Variants in PCDHA2 observed in about 807,000 individuals in gnomAD.
PCDHA2 encodes the protein protocadherin alpha-2.
A neutral mutation model predicts 66.0 loss-of-function variants in PCDHA2; 58 were observed. The ratio of observed to expected loss-of-function variants is 0.88; its 90% CI spans 0.71 to 1.09. The LOEUF is 1.09. PCDHA2 is among the 50% of genes least tolerant of loss of function. PCDHA2 has a pLI of 0.00. For missense variants in PCDHA2, 1,267 were observed against 1,242.3 expected, an observed-to-expected ratio of 1.02 and a Z score of -0.30; for synonymous variants, 634 against 554.0, an observed-to-expected ratio of 1.14 and a Z score of -2.03.
chr5:140,860,827 T>G (rs1554153817), intron 1 of PCDHA2: 6 of 152,210 alleles, frequency 3.9e-5, no homozygotes, highest in Admixed American at 2.6e-4. Context: ...AAGCTCCGCC[T>G]CCCAGGTTCA....
At chr5:140,865,089 T>C (rs1462427966) in intron 1 of PCDHA2, 2 of 152,250 alleles carry the variant, frequency 1.3e-5, no homozygotes, top group Admixed American at 1.3e-4. Context: ...GGGATATTAA[T>C]AAAGGCACTT....
intron 1 of PCDHA2, chr5:140,881,349 A>G: frequency 2.0e-6 from 2 of 985,302 alleles, no homozygotes; most frequent in Non-Finnish European, 2.4e-6. Flanking sequence ...TCGGGCTACA[A>G]TGCGTGGCTT....
intron 1 of PCDHA2, chr5:140,927,139 C>T: frequency 6.2e-7 from 1 of 1,614,046 alleles, no homozygotes; most frequent in Non-Finnish European, 8.5e-7. Context: ...GCCGGCGGAC[C>T]GCGAACAGCT....
intron 1 of PCDHA2, among the ~76,000 whole-genome samples, chr5:140,978,584 C>G (rs2096810786): frequency 6.6e-6 from 1 of 152,186 alleles, no homozygotes; most frequent in African/African-American, 2.4e-5. Flanking sequence ...TGGGAATGTT[C>G]CCTTAATGGG....
rs1554228541 is a variant in PCDHA2 at position 140,966,673 on chromosome 5, T to C, written c.2389-12276T>C. 2.3e-6 allele frequency: 3 copies of C among 1,290,056 alleles called. No homozygotes were observed. The African/African-American group carries it at 4.7e-5, about 20-fold the overall frequency. The allele number at this position is 1,290,056 out of a possible 1,614,324, so 79.9% of individuals were successfully genotyped here. A position where few individuals can be genotyped will look rare whatever the true frequency, so the allele number is the denominator to read the frequency against. On this transcript the variant is annotated intron_variant, in intron 1 of 3. Coordinates refer to ENST00000526136, the MANE Select transcript of PCDHA2 (RefSeq NM_018905.3). ...GAGCGGTGGGGGAGCAGGCGCAGGG[T>C]GGCACGAGCGGAGGCGGGGCCCGGG...
chr5:140,927,451 T>C (rs782170767), intron 1 of PCDHA2: 4 of 1,614,082 alleles, frequency 2.5e-6, no homozygotes, highest in South Asian at 1.1e-5. Context: ...GGAGTTGGTG[T>C]TGGAGAAAGC....
At chr5:140,888,108 T>C (rs1554183322) in intron 1 of PCDHA2, among the ~76,000 whole-genome samples, 1 of 152,248 alleles carries the variant, frequency 6.6e-6, no homozygotes, top group Non-Finnish European at 1.5e-5. Flanking sequence ...CTTCTTTTAA[T>C]CTATCTTCTT....
At chr5:140,868,866 T>C (rs1319732568) in intron 1 of PCDHA2, 2 of 581,336 alleles carry the variant, frequency 3.4e-6, no homozygotes, top group Non-Finnish European at 5.7e-6. Context: ...GTAAATGCAG[T>C]GCACAGTACT....
chr5:140,843,894 A>G, intron 1 of PCDHA2: 1 of 670,078 alleles, frequency 1.5e-6, no homozygotes, highest in Non-Finnish European at 2.5e-6. Context: ...AGTATTAATC[A>G]TTCTCCACAA....
At chr5:140,982,296 C>A in intron 2 of PCDHA2, 179 bp from the exon 3 acceptor site, 1 of 1,167,132 alleles carries the variant, frequency 8.6e-7, no homozygotes, top group Non-Finnish European at 1.2e-6. Flanking sequence ...AGTAAGTCAG[C>A]AATGCTTCTG....
At chr5:140,854,159 C>CAAAAAA (rs59855104) in intron 1 of PCDHA2, 412 of 341,018 alleles carry the variant, frequency 1.2e-3, no homozygotes, top group Non-Finnish European at 1.4e-3. Flanking sequence ...GATTCTGTCT[C>CAAAAAA]AAAAAAAAAA....
rs2150530468 is a variant in PCDHA2 at position 140,853,294 on chromosome 5, A to G, written c.2388+55942A>G. On this transcript the variant is annotated intron_variant, in intron 1 of 3. Coordinates refer to ENST00000526136, the MANE Select transcript of PCDHA2 (RefSeq NM_018905.3). The stretch of plus-strand genomic sequence containing the variant: ...CTCTCATCATATGCAAATTCTCAGA[A>G]GGGCTGTGAACACCTTAGTAATAAA... 2 of 982,066 alleles carry G rather than the reference A, an allele frequency of 2.0e-6. 1 individual carries two copies. Among genetic ancestry groups the G allele is most frequent in the Non-Finnish European group, 2.5e-6 (2 of 814,606 alleles). 60.8% of individuals were successfully genotyped at this position (982,066 alleles called of 1,614,324 possible). A position where few individuals can be genotyped will look rare whatever the true frequency, so the allele number is the denominator to read the frequency against.
chr5:140,823,347 C>T, intron 1 of PCDHA2: 17 of 1,612,418 alleles, frequency 1.1e-5, no homozygotes, highest in Non-Finnish European at 1.4e-5. Flanking sequence ...CGCTGGACCA[C>T]GAGGAAGTGG....
intron 1 of PCDHA2, chr5:140,841,579 G>T: frequency 6.2e-7 from 1 of 1,614,044 alleles, no homozygotes; most frequent in South Asian, 1.1e-5. Context: ...TTTTGTTTGT[G>T]AATTCTCGGA....
At chr5:140,938,827 C>T (rs905501922) in intron 1 of PCDHA2, among the ~76,000 whole-genome samples, 4 of 151,880 alleles carry the variant, frequency 2.6e-5, no homozygotes, top group Non-Finnish European at 4.4e-5. Context: ...CATGAGTTTG[C>T]GTTATAACAA....
chr5:140,946,162 A>C (rs2093896348), intron 1 of PCDHA2, among the ~76,000 whole-genome samples: 1 of 152,080 alleles, frequency 6.6e-6, no homozygotes, highest in Non-Finnish European at 1.5e-5. Context: ...GATTTAAAAG[A>C]TGGGTAAAGG....
chr5:140,829,496 C>T lies in PCDHA2; in HGVS notation c.2388+32144C>T, dbSNP rs2150168834. 4.3e-6 allele frequency: 7 copies of T among 1,613,648 alleles called. No homozygotes were observed. The Admixed American group carries it at 1.2e-4, about 27-fold the overall frequency. ...CACAGTGTTCGTGAAGGAGAACAACCCGCCGGGCTGCCACATCTTCACGGT... is the reference window on the plus strand; with the variant it reads ...CACAGTGTTCGTGAAGGAGAACAACTCGCCGGGCTGCCACATCTTCACGGT... On this transcript the variant is annotated intron_variant, in intron 1 of 3. Coordinates refer to ENST00000526136, the MANE Select transcript of PCDHA2 (RefSeq NM_018905.3).
chr5:140,989,681 A>C (rs1428237884), intron 3 of PCDHA2, among the ~76,000 whole-genome samples: 1 of 152,250 alleles, frequency 6.6e-6, no homozygotes, highest in Non-Finnish European at 1.5e-5. Flanking sequence ...CAGATTTCAA[A>C]GGAACGTGAA....
intron 1 of PCDHA2, chr5:140,835,346 G>A (rs1773586509): frequency 6.2e-7 from 1 of 1,613,652 alleles, no homozygotes; most frequent in African/African-American, 1.3e-5. Flanking sequence ...TCCCAGTCGA[G>A]GCTGTCGATA....
Sources: allele counts gnomAD v4.1 joint callset (sites outside exome capture counted in the v4.1 genomes callset), GRCh38; gene constraint gnomAD v4.1.1; transcripts MANE v1.5; gene names NCBI Gene and HGNC (gene_info 2026-07-23, HGNC 2026-07-21).